The following NCOA2 variants were observed in gnomAD, a reference collection of about 807,000 sequenced individuals.
The protein encoded by NCOA2 is class E basic helix-loop-helix protein 75.
In NCOA2, 21 loss-of-function variants were observed where a neutral mutation model predicts 145.1. The ratio of observed to expected loss-of-function variants is 0.14; its 90% CI spans 0.10 to 0.21. NCOA2 has a LOEUF of 0.21. Among genes scored for constraint, NCOA2 ranks in the 10% least tolerant of loss-of-function variants. NCOA2 has a pLI of 1.00. For synonymous variants in NCOA2, 619 were observed against 637.5 expected (o/e 0.97, Z 0.44); for missense variants, 1,472 against 1,837.6 (o/e 0.80, Z 3.64).
Position 70,156,637 on chromosome 8 carries a change from C to A in NCOA2, c.1728G>T (p.Lys576Asn). Residue 576 changes from lysine (K) to asparagine (N), a missense_variant, in exon 11 of 23, where the codon AAG becomes AAT. Coordinates refer to ENST00000452400, the MANE Select transcript of NCOA2 (RefSeq NM_006540.4). ...AGTCTTTTGAGTCCAAGCTTCCCATCTTGCTGAGTGGGGGAGGATTCATAT... is the reference window on the plus strand; with the variant it reads ...AGTCTTTTGAGTCCAAGCTTCCCATATTGCTGAGTGGGGGAGGATTCATAT... ...PVNMNPPPLSKMGSLDSKDCF... is the reference protein window; with the variant it reads ...PVNMNPPPLSNMGSLDSKDCF... 1 of 1,613,984 alleles carries A rather than the reference C, an allele frequency of 6.2e-7. No individual in the cohort carries two copies. The highest frequency in any genetic ancestry group is 8.5e-7 in the Non-Finnish European group (1 of 1,179,888).
At chr8:70,355,155 C>T (rs977940384) in intron 1 of NCOA2, among the ~76,000 whole-genome samples, 1 of 152,160 alleles carries the variant, frequency 6.6e-6, no homozygotes, top group Admixed American at 6.5e-5. Context: ...ACTATGTTGA[C>T]CATATGTGTG....
intron 3 of NCOA2, 147 bp downstream of exon 3, chr8:70,216,513 G>GCAAGTAC: frequency 1.6e-6 from 1 of 643,660 alleles, no homozygotes; most frequent in Admixed American, 2.7e-5. Context: ...CAAAATGTAA[G>GCAAGTAC]CAAGTACATA....
intron 4 of NCOA2, among the ~76,000 whole-genome samples, chr8:70,205,717 C>T (rs758547449): frequency 2.0e-5 from 3 of 152,014 alleles, no homozygotes; most frequent in Non-Finnish European, 2.9e-5. Flanking sequence ...AGGAGGTTGT[C>T]GGTTGGAGCA....
chr8:70,249,577 T>G (rs1172795829), intron 2 of NCOA2, among the ~76,000 whole-genome samples: 1 of 152,148 alleles, frequency 6.6e-6, no homozygotes, highest in African/African-American at 2.4e-5. Flanking sequence ...ACTGGCCCAG[T>G]GCATAGCATA....
intron 1 of NCOA2, among the ~76,000 whole-genome samples, chr8:70,385,350 G>A (rs965936954): frequency 1.3e-5 from 2 of 152,202 alleles, no homozygotes; most frequent in African/African-American, 4.8e-5. Context: ...TGATGGAGTT[G>A]GATGGCAATC....
intron 4 of NCOA2, among the ~76,000 whole-genome samples, chr8:70,185,147 C>T (rs1039716357): frequency 3.3e-5 from 5 of 152,192 alleles, no homozygotes; most frequent in African/African-American, 9.6e-5. Flanking sequence ...CTTTCCCCTA[C>T]TGTGATTCTA....
chr8:70,135,186 A>C (rs1809590873), intron 15 of NCOA2, among the ~76,000 whole-genome samples: 1 of 151,884 alleles, frequency 6.6e-6, no homozygotes, highest in African/African-American at 2.4e-5. Flanking sequence ...CATTTACCCC[A>C]TCCTTCCCAC....
At chr8:70,337,547 A>T (rs1807724792) in intron 1 of NCOA2, among the ~76,000 whole-genome samples, 2 of 152,168 alleles carry the variant, frequency 1.3e-5, no homozygotes, top group South Asian at 4.1e-4. Flanking sequence ...TACCATCTGT[A>T]ACACTGAAAA....
chr8:70,343,808 C>A (rs1320186134), intron 1 of NCOA2, among the ~76,000 whole-genome samples: 2 of 144,136 alleles, frequency 1.4e-5, no homozygotes, highest in Non-Finnish European at 3.0e-5. Context: ...AAGACCCCAT[C>A]TCAAAAAAAA....
chr8:70,162,430 A>C (rs1293302804), intron 9 of NCOA2, among the ~76,000 whole-genome samples: 2 of 152,200 alleles, frequency 1.3e-5, no homozygotes, highest in Non-Finnish European at 2.9e-5. Context: ...GATGGTACTT[A>C]TAATCTTGTC....
intron 11 of NCOA2, among the ~76,000 whole-genome samples, chr8:70,150,618 T>C (rs1281621091): frequency 6.6e-6 from 1 of 152,236 alleles, no homozygotes; most frequent in East Asian, 1.9e-4. Flanking sequence ...AACCATCTGT[T>C]CTTCCAGGAA....
At chr8:70,384,159 C>T (rs181250072) in intron 1 of NCOA2, among the ~76,000 whole-genome samples, 3 of 151,988 alleles carry the variant, frequency 2.0e-5, no homozygotes, top group Non-Finnish European at 2.9e-5. Flanking sequence ...TTAAACTGTA[C>T]GGCAAAGGCT....
intron 1 of NCOA2, among the ~76,000 whole-genome samples, chr8:70,311,026 C>A (rs777660178): frequency 8.9e-4 from 134 of 151,204 alleles, no homozygotes; most frequent in Middle Eastern, 6.9e-3. Flanking sequence ...GGCAAAAGAC[C>A]GTAGTATGTC....
At chr8:70,114,604 G>T (rs1415217039) in intron 22 of NCOA2, among the ~76,000 whole-genome samples, 3 of 152,192 alleles carry the variant, frequency 2.0e-5, no homozygotes, top group Non-Finnish European at 4.4e-5. Flanking sequence ...GACTAGGCAA[G>T]GCTGACAACA....
chr8:70,225,643 G>C (rs1238360456), intron 2 of NCOA2, among the ~76,000 whole-genome samples: 2 of 152,002 alleles, frequency 1.3e-5, no homozygotes, highest in Non-Finnish European at 2.9e-5. Context: ...ATGTAGATGG[G>C]GTGAGGGATA....
chr8:70,400,040 G>C (rs1272862338), intron 1 of NCOA2, among the ~76,000 whole-genome samples: 1 of 152,074 alleles, frequency 6.6e-6, no homozygotes, highest in Non-Finnish European at 1.5e-5. Flanking sequence ...AGACAACTAA[G>C]GAGCATTACC....
At chr8:70,198,798 T>C (rs1448268436) in intron 4 of NCOA2, among the ~76,000 whole-genome samples, 3 of 152,102 alleles carry the variant, frequency 2.0e-5, no homozygotes, top group East Asian at 1.9e-4. Flanking sequence ...CAGACTGAGA[T>C]AGAGCACAGA....
At chr8:70,453,329 G>C in the NCOA2 span, among the ~76,000 whole-genome samples, 1 of 152,342 alleles carries the variant, frequency 6.6e-6, no homozygotes, top group South Asian at 2.1e-4. Context: ...AGATCCTACA[G>C]TTGCTGAGTG....
At chr8:70,222,818 G>T (rs1820271161) in intron 2 of NCOA2, among the ~76,000 whole-genome samples, 2 of 152,168 alleles carry the variant, frequency 1.3e-5, no homozygotes, top group African/African-American at 4.8e-5. Flanking sequence ...TATCTTAGCA[G>T]AATTCAGGCC....
Sources: gnomAD v4.1 joint callset for allele counts (sites outside exome capture counted in the v4.1 genomes callset) on GRCh38, gnomAD v4.1.1 for gene constraint, MANE v1.5 for transcripts, NCBI Gene and HGNC (gene_info 2026-07-23, HGNC 2026-07-21) for gene names.